Variants in ARG2 observed in about 807,000 individuals in gnomAD.
The protein encoded by ARG2 is arginase 2, also known as arginase-2, mitochondrial.
A neutral mutation model predicts 39.4 loss-of-function variants in ARG2; 21 were observed. That is an observed-to-expected ratio of 0.53 (90% CI 0.38 to 0.77). The LOEUF is 0.77. Among genes scored for constraint, ARG2 ranks in the 30% least tolerant of loss-of-function variants. The pLI is 0.00. For synonymous variants in ARG2, 150 were observed against 156.7 expected, an observed-to-expected ratio of 0.96 and a Z score of 0.32; for missense variants, 378 against 426.2, an observed-to-expected ratio of 0.89 and a Z score of 1.00.
At chr14:67,623,549 T>C (rs2036833047) in intron 2 of ARG2, among the ~76,000 whole-genome samples, 1 of 143,748 alleles carries the variant, frequency 7.0e-6, no homozygotes, top group Non-Finnish European at 1.5e-5. Context: ...TTTTTTTTTT[T>C]TTTTTTTTTT....
chr14:67,639,740 G>A (rs2037010112), intron 2 of ARG2, among the ~76,000 whole-genome samples: 1 of 151,998 alleles, frequency 6.6e-6, no homozygotes, highest in Admixed American at 6.6e-5. Flanking sequence ...AGCCAACATG[G>A]CGAAACCCTG....
Position 67,639,032 on chromosome 14 carries a change from C to A in ARG2, c.185-3154C>A, listed in dbSNP as rs1018865498. Among the ~76,000 whole-genome samples, 6 of 150,380 alleles carry A rather than the reference C, an allele frequency of 4.0e-5. No homozygotes were observed. In the South Asian group the frequency reaches 6.2e-4, roughly 16 times the overall value. ...GTTGGGAATTAATCTGATGAACCCC[C>A]GACAGAAGTTAGTAACCCTTCTAGC... On this transcript the variant is annotated intron_variant, in intron 2 of 7. Transcript: ENST00000261783.
At chr14:67,642,385 G>C in intron 3 of ARG2, 22 bp downstream of exon 3, 2 of 1,612,214 alleles carry the variant, frequency 1.2e-6, no homozygotes, top group Non-Finnish European at 1.7e-6. Flanking sequence ...GCCAGGCGTG[G>C]TGAGGGGATG....
At chr14:67,620,996 C>T (rs1487581394) in intron 2 of ARG2, 30 bp downstream of exon 2, 3 of 1,599,398 alleles carry the variant, frequency 1.9e-6, no homozygotes. Context: ...GATATTAGTG[C>T]AGGACTAGTA....
Position 67,650,880 on chromosome 14 carries a change from C to T in ARG2, c.1025C>T (p.Ser342Leu). The change falls in exon 8 of 8, where the codon TCA becomes TTA. Residue 342 changes from serine to leucine, a missense_variant. By Grantham distance (145) the Ser-to-Leu change is moderately radical. Coordinates refer to ENST00000261783, the MANE Select transcript of ARG2 (RefSeq NM_001172.4). ...IVYDQLPTPS[S>L]PDESENQARV... Reference sequence around the variant, plus strand: ...TATGACCAACTTCCTACTCCCAGTTCACCAGATGAATCAGAAAATCAAGCA... The same window carrying T: ...TATGACCAACTTCCTACTCCCAGTTTACCAGATGAATCAGAAAATCAAGCA... 1 of 1,614,186 alleles carries T rather than the reference C, an allele frequency of 6.2e-7. No homozygotes were observed. The highest frequency in any genetic ancestry group is 8.5e-7 in the Non-Finnish European group (1 of 1,180,014).
At chr14:67,648,381 C>A in intron 7 of ARG2, 198 bp downstream of exon 7, 1 of 464,762 alleles carries the variant, frequency 2.2e-6, no homozygotes, top group Non-Finnish European at 3.7e-6. Context: ...ATGGCTCTTA[C>A]CAAATTACAC....
At chr14:67,625,429 A>G (rs939920740) in intron 2 of ARG2, among the ~76,000 whole-genome samples, 14 of 152,218 alleles carry the variant, frequency 9.2e-5, no homozygotes, top group African/African-American at 3.4e-4. Flanking sequence ...CTGTAATCCC[A>G]GCACTTTGGG....
At chr14:67,626,229 G>C (rs576453213) in intron 2 of ARG2, among the ~76,000 whole-genome samples, 30 of 152,086 alleles carry the variant, frequency 2.0e-4, no homozygotes, top group Admixed American at 9.8e-4. Context: ...ACTCCAGCCT[G>C]GGCAACAGAG....
intron 6 of ARG2, chr14:67,647,837 G>C: frequency 1.8e-6 from 1 of 568,090 alleles, no homozygotes. Context: ...ACAAATGGCA[G>C]TATCATGAAG....
At chr14:67,642,789 T>C (rs1040621487) in intron 3 of ARG2, among the ~76,000 whole-genome samples, 5 of 119,564 alleles carry the variant, frequency 4.2e-5, no homozygotes, top group Admixed American at 1.0e-4. Flanking sequence ...TGTTACTACA[T>C]TTTCTTTTTT....
chr14:67,638,092 T>C (rs2036991454), intron 2 of ARG2, among the ~76,000 whole-genome samples: 1 of 152,234 alleles, frequency 6.6e-6, no homozygotes, highest in Non-Finnish European at 1.5e-5. Context: ...GAAAGCCTCC[T>C]GCTGACCTGG....
At chr14:67,621,808 C>CT (rs1049304885) in intron 2 of ARG2, among the ~76,000 whole-genome samples, 3 of 151,582 alleles carry the variant, frequency 2.0e-5, no homozygotes, top group Non-Finnish European at 4.4e-5. Context: ...ATTTGAATAC[C>CT]TTTATAAGCA....
intron 3 of ARG2, among the ~76,000 whole-genome samples, chr14:67,642,888 T>C (rs549205065): frequency 3.3e-4 from 44 of 134,926 alleles, no homozygotes; most frequent in African/African-American, 1.2e-3. Context: ...CTGCAACCTC[T>C]GCCTCCTAGG....
intron 2 of ARG2, among the ~76,000 whole-genome samples, chr14:67,621,830 C>T (rs993312096): frequency 2.6e-5 from 4 of 151,882 alleles, no homozygotes; most frequent in Admixed American, 2.6e-4. Flanking sequence ...GGTGCGGTGG[C>T]TCATGCCTGT....
intron 3 of ARG2, 59 bp downstream of exon 3, chr14:67,642,422 C>G: frequency 6.4e-7 from 1 of 1,560,686 alleles, no homozygotes; most frequent in Non-Finnish European, 8.7e-7. Flanking sequence ...GGGCTCATAA[C>G]TTAGCTTCTT....
In ARG2 at chr14:67,621,794, C is replaced by T. The variant is rs114042588; in HGVS notation, c.184+828C>T. ...GAGAACCCTTCTCTTAGTAACAGCA[C>T]CAAATTTGAATACCTTTATAAGCAG... On this transcript the variant is annotated intron_variant, in intron 2 of 7. Coordinates refer to ENST00000261783, the MANE Select transcript of ARG2 (RefSeq NM_001172.4). Among the ~76,000 whole-genome samples the T allele has an allele frequency of 3.8e-3, 571 of 151,680 alleles. 2 individuals are homozygous for T. The highest frequency in any genetic ancestry group is 0.013 in the African/African-American group (542 of 41,346).
In ARG2 at chr14:67,647,133, C is replaced by A. The variant is rs2037110530; in HGVS notation, c.722+108C>A. On this transcript the variant is annotated intron_variant, in intron 6 of 7. Coordinates refer to ENST00000261783, the MANE Select transcript of ARG2 (RefSeq NM_001172.4). ...TTTTAAAATACAAAGCAAAAACATA[C>A]ACATAATTTTAAATAGTTCAGAAAG... 9.4e-6 allele frequency: 7 copies of A among 746,666 alleles called. No individual in the cohort carries two copies. The South Asian group carries it at 1.1e-4, about 12-fold the overall frequency. 46.3% of individuals were successfully genotyped at this position (746,666 alleles called of 1,614,324 possible).
At chr14:67,623,386 CT>C (rs1421583581) in intron 2 of ARG2, among the ~76,000 whole-genome samples, 1 of 152,112 alleles carries the variant, frequency 6.6e-6, no homozygotes, top group Non-Finnish European at 1.5e-5. Context: ...TGTTCCTTGC[CT>C]TTGCTCTGAT....
chr14:67,623,533 CCTTTTTTT>C (rs1206783730), intron 2 of ARG2, among the ~76,000 whole-genome samples: 1 of 120,082 alleles, frequency 8.3e-6, no homozygotes, highest in East Asian at 2.4e-4. Context: ...TCTCAGGTAA[CCTTTTTTT>C]TTTTTTTTTT....
Sources: gnomAD v4.1 joint callset for allele counts (sites outside exome capture counted in the v4.1 genomes callset) on GRCh38, gnomAD v4.1.1 for gene constraint, MANE v1.5 for transcripts, NCBI Gene and HGNC (gene_info 2026-07-23, HGNC 2026-07-21) for gene names.